The following MAN1B1 variants were observed in gnomAD, a reference collection of about 807,000 sequenced individuals.
MAN1B1 encodes the protein endoplasmic reticulum mannosyl-oligosaccharide 1,2-alpha-mannosidase.
Under a neutral mutation model 75.5 loss-of-function variants are expected in MAN1B1, and 66 were observed. The ratio of observed to expected loss-of-function variants is 0.87; its 90% CI spans 0.72 to 1.07. MAN1B1 has a LOEUF of 1.07. Among genes scored for constraint, MAN1B1 ranks in the 50% least tolerant of loss-of-function variants. The pLI, the probability that MAN1B1 is intolerant of heterozygous loss-of-function variation, is 0.00. For missense variants in MAN1B1, 973 were observed against 912.5 expected (o/e 1.07, Z -0.85); for synonymous variants, 453 against 382.8 (o/e 1.18, Z -2.14).
intron 3 of MAN1B1, among the ~76,000 whole-genome samples, chr9:137,091,529 T>A (rs1336636915): frequency 5.0e-4 from 72 of 144,562 alleles, no homozygotes; most frequent in Non-Finnish European, 8.7e-4. Flanking sequence ...ATATTTTTTT[T>A]TTTTTTTTTT....
chr9:137,096,199 A>G (rs1196905888), intron 3 of MAN1B1, 38 bp from the exon 4 acceptor site: 2 of 1,613,474 alleles, frequency 1.2e-6, no homozygotes, highest in East Asian at 2.2e-5. Context: ...CAGCTCGCAG[A>G]CACCCCGTGA....
At chr9:137,102,441 T>C (rs1830876879) in intron 8 of MAN1B1, 1 of 392,040 alleles carries the variant, frequency 2.6e-6, no homozygotes. Context: ...ACATTCACAC[T>C]GTTGCAGGCG....
chr9:137,106,659 G>A (rs202008733), intron 9 of MAN1B1, 30 bp from the exon 10 acceptor site: 104 of 1,612,860 alleles, frequency 6.4e-5, no homozygotes, highest in Non-Finnish European at 8.1e-5. Context: ...CACCGTCCTG[G>A]TAGAGTGAGA....
intron 4 of MAN1B1, among the ~76,000 whole-genome samples, chr9:137,096,721 C>G (rs962716007): frequency 3.3e-5 from 5 of 152,204 alleles, no homozygotes; most frequent in Admixed American, 2.0e-4. Flanking sequence ...TTCCCGAGCC[C>G]CATCTGGTCG....
At chr9:137,089,101 T>G in intron 3 of MAN1B1, 96 bp downstream of exon 3, 1 of 1,459,326 alleles carries the variant, frequency 6.9e-7, no homozygotes, top group South Asian at 1.1e-5. Flanking sequence ...CCTTTACCAT[T>G]TATTACCACG....
intron 9 of MAN1B1, 97 bp downstream of exon 9, chr9:137,106,412 T>A: frequency 8.5e-7 from 1 of 1,171,584 alleles, no homozygotes; most frequent in South Asian, 1.5e-5. Context: ...CCGCTCCTGC[T>A]GCCCCCCGCC....
In MAN1B1 at chr9:137,099,690, T is replaced by A; in HGVS notation, c.731-6T>A. ...GCCATGGCCTGTGCTCTCTCCCCCCTACTAGTGCATCTGAACTATCGCCAG... is the reference window on the plus strand; with the variant it reads ...GCCATGGCCTGTGCTCTCTCCCCCCAACTAGTGCATCTGAACTATCGCCAG... On this transcript the variant is annotated splice_polypyrimidine_tract_variant and splice_region_variant and intron_variant, in intron 5 of 12. Coordinates refer to ENST00000371589, the MANE Select transcript of MAN1B1 (RefSeq NM_016219.5). 1.9e-6 allele frequency: 3 copies of A among 1,613,958 alleles called. No individual in the cohort carries two copies. The highest frequency in any genetic ancestry group is 2.5e-6 in the Non-Finnish European group (3 of 1,179,870).
chr9:137,089,551 G>A (rs1413967846), intron 3 of MAN1B1, among the ~76,000 whole-genome samples: 1 of 152,218 alleles, frequency 6.6e-6, no homozygotes, highest in African/African-American at 2.4e-5. Flanking sequence ...AGGGCTGGGA[G>A]AGGGAGCAGG....
chr9:137,106,519 G>C (rs1460709853), intron 9 of MAN1B1, 170 bp from the exon 10 acceptor site: 1 of 1,152,106 alleles, frequency 8.7e-7, no homozygotes. Context: ...CTCTGGGGGG[G>C]TGAGGGGGGC....
rs751469383 is a variant in MAN1B1 at position 137,107,660 on chromosome 9, C to A, written c.1894C>A (p.Arg632=). 1.2e-6 allele frequency: 2 copies of A among 1,609,516 alleles called. No individual in the cohort carries two copies. The highest frequency in any genetic ancestry group is 1.1e-5 in the South Asian group (1 of 91,096). The change falls in exon 12 of 13, where the codon CGG becomes AGG. Residue 632 remains arginine, a splice_region_variant and synonymous_variant. Transcript: ENST00000371589. Reference sequence around the variant, plus strand: ...TCTGCAGAGCTTCAGCCGATTCACACGGGTGAGCACCTGTCCTCGCCCCGC... The same window carrying A: ...TCTGCAGAGCTTCAGCCGATTCACAAGGGTGAGCACCTGTCCTCGCCCCGC... ...EILQSFSRFT[R]VPSGGYSSIN...
chr9:137,093,326 A>G (rs1231644935), intron 3 of MAN1B1, among the ~76,000 whole-genome samples: 1 of 152,186 alleles, frequency 6.6e-6, no homozygotes, highest in Non-Finnish European at 1.5e-5. Flanking sequence ...AGGCTGCAGC[A>G]AGCGGAGTTC....
chr9:137,104,648 T>C (rs1005556647), intron 8 of MAN1B1: 5 of 169,608 alleles, frequency 2.9e-5, no homozygotes, highest in African/African-American at 1.2e-4. Flanking sequence ...AGGCCACTTT[T>C]TGTTTAATCC....
At chr9:137,108,265 C>T (rs915033329) in intron 12 of MAN1B1, 123 bp from the exon 13 acceptor site, 5 of 870,124 alleles carry the variant, frequency 5.7e-6, no homozygotes, top group South Asian at 4.2e-5. Flanking sequence ...CATCCAGGCG[C>T]CCTCCACCCT....
intron 5 of MAN1B1, among the ~76,000 whole-genome samples, chr9:137,098,601 G>GGGCAGA (rs1008508569): frequency 2.6e-5 from 4 of 152,188 alleles, no homozygotes; most frequent in Non-Finnish European, 2.9e-5. Flanking sequence ...GCATCAATGA[G>GGGCAGA]GGCAGAGGCA....
At position 137,108,963 on chromosome 9, in the gene MAN1B1, G is replaced by A. The variant is rs921648600; in HGVS notation, c.*372G>A. ...CCAGGGTGCAGCTCTGCCCGGGCTC[G>A]TGAAGCCTCAGATGTCCCCAATCCA... On this transcript the variant is annotated 3_prime_UTR_variant, in exon 13 of 13. Coordinates refer to ENST00000371589, the MANE Select transcript of MAN1B1 (RefSeq NM_016219.5). The A allele has an allele frequency of 3.4e-5, 16 of 473,022 alleles. 1 individual carries two copies. Among genetic ancestry groups the A allele is most frequent in the Admixed American group, 2.1e-4 (9 of 43,014 alleles). 29.3% of individuals were successfully genotyped at this position (473,022 alleles called of 1,614,324 possible).
At chr9:137,103,473 G>A (rs952088349) in intron 8 of MAN1B1, 26 of 434,716 alleles carry the variant, frequency 6.0e-5, no homozygotes, top group South Asian at 2.6e-4. Flanking sequence ...TGTTGCAGGC[G>A]TGCAGGTCAG....
chr9:137,105,860 C>T (rs1250017016), intron 8 of MAN1B1: 1 of 638,738 alleles, frequency 1.6e-6, no homozygotes, highest in Admixed American at 2.1e-5. Flanking sequence ...GGATGAGAGC[C>T]ATCCTGAAGA....
rs777684430 is a variant in MAN1B1 at position 137,099,676 on chromosome 9, T to G, written c.731-20T>G. Reference sequence around the variant, plus strand: ...CCAGGACCACGTCCGCCATGGCCTGTGCTCTCTCCCCCCTACTAGTGCATC... The same window carrying G: ...CCAGGACCACGTCCGCCATGGCCTGGGCTCTCTCCCCCCTACTAGTGCATC... On this transcript the variant is annotated intron_variant, in intron 5 of 12. Transcript: ENST00000371589. The G allele has an allele frequency of 6.2e-7, 1 of 1,613,858 alleles. No individual in the cohort carries two copies. The highest frequency in any genetic ancestry group is 1.1e-5 in the South Asian group (1 of 91,080).
rs71803786 is a variant in MAN1B1 at position 137,109,077 on chromosome 9, G to GC, written c.*488dup. ...CAAGCTGGACTCAGGGATCCTCCTG[G>GC]CCGCCCCGCAGGGGGCTTGGAGGGC... On this transcript the variant is annotated 3_prime_UTR_variant, in exon 13 of 13. Coordinates refer to ENST00000371589, the MANE Select transcript of MAN1B1 (RefSeq NM_016219.5). 0.11 allele frequency: 50,169 copies of GC among 456,064 alleles called. 3,193 individuals carry two copies. The highest frequency in any genetic ancestry group is 0.15 in the South Asian group (9,420 of 64,504). The allele number at this position is 456,064 out of a possible 1,614,324, so 28.3% of individuals were successfully genotyped here. A position where few individuals can be genotyped will look rare whatever the true frequency, so the allele number is the denominator to read the frequency against.
Sources: gnomAD v4.1 joint callset for allele counts (sites outside exome capture counted in the v4.1 genomes callset) on GRCh38, gnomAD v4.1.1 for gene constraint, MANE v1.5 for transcripts, NCBI Gene and HGNC (gene_info 2026-07-23, HGNC 2026-07-21) for gene names.